FHAD1: variants seen among roughly 807,000 people sequenced by gnomAD.
FHAD1 encodes forkhead-associated domain-containing protein 1.
A neutral mutation model predicts 191.3 loss-of-function variants in FHAD1; 146 were observed. The ratio of observed to expected loss-of-function variants is 0.76; its 90% CI spans 0.67 to 0.88. FHAD1 has a LOEUF of 0.88. Ranked by LOEUF, FHAD1 falls within the 40% of genes least tolerant of loss-of-function variation. The probability of loss-of-function intolerance (pLI) is 0.00; values close to 1 mark genes in which losing one functional copy is unlikely to be tolerated. For synonymous variants in FHAD1, 616 were observed against 672.3 expected, an observed-to-expected ratio of 0.92 and a Z score of 1.29; for missense variants, 1,635 against 1,785.8, an observed-to-expected ratio of 0.92 and a Z score of 1.52.
At chr1:15,267,902 A>G (rs1040870539) in intron 2 of FHAD1, among the ~76,000 whole-genome samples, 2 of 147,640 alleles carry the variant, frequency 1.4e-5, no homozygotes, top group African/African-American at 2.5e-5. Context: ...ATATAAAAAT[A>G]TGGTATATAT....
At chr1:15,346,880 G>A (rs1403599018) in intron 18 of FHAD1, among the ~76,000 whole-genome samples, 2 of 152,234 alleles carry the variant, frequency 1.3e-5, no homozygotes, top group Admixed American at 6.5e-5. Context: ...GTGTATAATG[G>A]AGGGCCTGGC....
At chr1:15,343,179 T>C (rs1337014035) in intron 16 of FHAD1, among the ~76,000 whole-genome samples, 1 of 152,118 alleles carries the variant, frequency 6.6e-6, no homozygotes, top group Non-Finnish European at 1.5e-5. Flanking sequence ...GATTAAAAAT[T>C]ACTAATGCCT....
intron 3 of FHAD1, among the ~76,000 whole-genome samples, chr1:15,275,933 ATTTAT>A (rs1658207139): frequency 6.6e-6 from 1 of 152,144 alleles, no homozygotes; most frequent in Non-Finnish European, 1.5e-5. Context: ...AAACAGAAAA[ATTTAT>A]TTCAGGCTTT....
Position 15,316,432 on chromosome 1 carries a change from G to A in FHAD1, c.1225G>A (p.Glu409Lys), listed in dbSNP as rs1183381832. 4 of 1,551,574 alleles carry A rather than the reference G, an allele frequency of 2.6e-6. No homozygotes were observed. Among genetic ancestry groups the A allele is most frequent in the Admixed American group, 2.0e-5 (1 of 50,984 alleles). The stretch of plus-strand genomic sequence containing the variant: ...GGAAGATGCTCACAGGGAGCTCAGG[G>A]AAGCCCAGGAGAAAGAGTTAAAACT... ...KQEDAHRELR[E>K]AQEKELKLCK... The change falls in exon 9 of 34, where the codon GAA becomes AAA. Residue 409 changes from glutamate to lysine, a missense_variant. Transcript: ENST00000688493. The surrounding 1 kb of genome is among the most constrained non-coding windows in gnomAD (Gnocchi z 4.3).
At chr1:15,280,142 T>G (rs1660064982) in intron 3 of FHAD1, among the ~76,000 whole-genome samples, 1 of 152,176 alleles carries the variant, frequency 6.6e-6, no homozygotes. Context: ...ATGGGACCGT[T>G]AAGTACTCCC....
chr1:15,246,220 AAAGC>A (rs140906869), upstream of FHAD1, among the ~76,000 whole-genome samples: 1,698 of 152,248 alleles, frequency 0.011, 24 homozygotes, highest in African/African-American at 0.038. Context: ...TATCATGAGA[AAAGC>A]AAGCGGGAAG....
chr1:15,400,775 C>G (rs1322589234), downstream of FHAD1, among the ~76,000 whole-genome samples: 1 of 152,254 alleles, frequency 6.6e-6, no homozygotes, highest in Non-Finnish European at 1.5e-5. Context: ...CATCCTTCAG[C>G]CGACTGGACT....
At chr1:15,397,268 T>C in intron 33 of FHAD1, 29 bp from the exon 34 acceptor site, 1 of 1,104,234 alleles carries the variant, frequency 9.1e-7, no homozygotes, top group Admixed American at 2.3e-5. Flanking sequence ...GCAATGGAGT[T>C]TGTGTGTTTT....
intron 1 of FHAD1, among the ~76,000 whole-genome samples, chr1:15,250,573 T>C (rs1448243606): frequency 6.6e-6 from 1 of 152,188 alleles, no homozygotes; most frequent in Non-Finnish European, 1.5e-5. Context: ...AATCTTGATA[T>C]TTTGCCTTTA....
intron 6 of FHAD1, among the ~76,000 whole-genome samples, chr1:15,306,838 A>G (rs1261782373): frequency 6.6e-6 from 1 of 152,226 alleles, no homozygotes; most frequent in Admixed American, 6.5e-5. Context: ...GCCCTCATGG[A>G]GAACCTTTGC....
At chr1:15,357,625 CAAAAAAAAAAAA>C (rs71000395) in intron 20 of FHAD1, among the ~76,000 whole-genome samples, 4 of 76,114 alleles carry the variant, frequency 5.3e-5, no homozygotes, top group Non-Finnish European at 7.9e-5. Flanking sequence ...TCCTCCGTCT[CAAAAAAAAAAAA>C]AAAAAAAAAA....
chr1:15,243,233 T>G (rs1417737509), upstream of FHAD1, among the ~76,000 whole-genome samples: 1 of 152,194 alleles, frequency 6.6e-6, no homozygotes, highest in East Asian at 1.9e-4. Flanking sequence ...ATTCTCTCCA[T>G]GGTTTGAAAT....
chr1:15,316,322 C>A lies in FHAD1; in HGVS notation c.1171-56C>A. ...GGGGCCTTGGAGCCCCTCCTTCCCC[C>A]GACAACCCTACCTGGCCAACGTTGG... is the stretch of plus-strand genomic sequence containing the variant. On this transcript the variant is annotated intron_variant, in intron 8 of 33. Transcript: ENST00000688493. This position sits in a 1 kb window ranked among gnomAD's most constrained non-coding sequence, Gnocchi z 4.3. 1 of 1,436,404 alleles carries A rather than the reference C, an allele frequency of 7.0e-7. No homozygotes were observed. Among genetic ancestry groups the A allele is most frequent in the Non-Finnish European group, 9.6e-7 (1 of 1,045,182 alleles). 89.0% of individuals were successfully genotyped at this position (1,436,404 alleles called of 1,614,324 possible). A position where few individuals can be genotyped will look rare whatever the true frequency, so the allele number is the denominator to read the frequency against.
chr1:15,345,175 G>A lies in FHAD1; in HGVS notation c.2223G>A (p.Leu741=). 6.4e-7 allele frequency: 1 copy of A among 1,551,548 alleles called. No homozygotes were observed. Among genetic ancestry groups the A allele is most frequent in the Non-Finnish European group, 8.7e-7 (1 of 1,146,848 alleles). Reference sequence around the variant, plus strand: ...GAATGCAAGAACTGGAGAGCCTCCTGGCCCAGCAGAAGAAGGTATGTGGCT... The same window carrying A: ...GAATGCAAGAACTGGAGAGCCTCCTAGCCCAGCAGAAGAAGGTATGTGGCT... ...RKRMQELESL[L]AQQKKALAKS... is the part of the protein sequence containing the mutation. Residue 741 remains leucine, a synonymous_variant, in exon 17 of 34, where the codon CTG becomes CTA. Coordinates refer to ENST00000688493, the MANE Select transcript of FHAD1 (RefSeq NM_001391957.1).
Position 15,304,958 on chromosome 1 carries a change from T to TC in FHAD1, c.915+3524dup, listed in dbSNP as rs534084403. ...GCACACCGTATCTGCATTGTCGGGG[T>TC]CCCCCCCGACTCCCACCCTGTCATA... On this transcript the variant is annotated intron_variant, in intron 6 of 33. Coordinates refer to ENST00000688493, the MANE Select transcript of FHAD1 (RefSeq NM_001391957.1). 1.4e-3 allele frequency among the ~76,000 whole-genome samples: 216 copies of TC among 150,730 alleles called. 1 individual carries two copies. The highest frequency in any genetic ancestry group is 4.2e-3 in the African/African-American group (173 of 41,118).
In FHAD1 at chr1:15,349,817, C is replaced by G. The variant is rs146904146; in HGVS notation, c.2454+668C>G. On this transcript the variant is annotated intron_variant, in intron 19 of 33. Transcript: ENST00000688493. Reference sequence around the variant, plus strand: ...CCAGGGAGGAAAGGAGGGGTCAGAGCTGGAGACATCCACATCCACCCACCC... The same window carrying G: ...CCAGGGAGGAAAGGAGGGGTCAGAGGTGGAGACATCCACATCCACCCACCC... 4.7e-3 allele frequency among the ~76,000 whole-genome samples: 723 copies of G among 152,296 alleles called. 1 individual carries two copies. Among genetic ancestry groups the G allele is most frequent in the South Asian group, 8.3e-3 (40 of 4,824 alleles).
chr1:15,386,849 C>CT (rs59453670), intron 31 of FHAD1, among the ~76,000 whole-genome samples: 36,115 of 144,144 alleles, frequency 0.25, 4,490 homozygotes, highest in Middle Eastern at 0.39. Context: ...TCCTTTCTTT[C>CT]TTTTTTTTTT....
chr1:15,240,355 G>A lies in FHAD1; in HGVS notation c.-15+3594G>A, dbSNP rs74734052. ...AGCTTGAAACTGGATCCAGCCAGGT[G>A]TAGTGGCTCATGCCTGTAATCTCAG... On this transcript the variant is annotated intron_variant, in intron 1 of 33. Transcript: ENST00000683790. Among the ~76,000 whole-genome samples the A allele has an allele frequency of 5.4e-4, 83 of 152,336 alleles. 1 individual carries two copies. In the East Asian group the frequency reaches 0.016, roughly 29 times the overall value.
At chr1:15,372,980 A>G (rs1212597510) in intron 26 of FHAD1, among the ~76,000 whole-genome samples, 1 of 152,210 alleles carries the variant, frequency 6.6e-6, no homozygotes, top group Non-Finnish European at 1.5e-5. Flanking sequence ...GCAACTACTC[A>G]ATCCCCAGAG....
Sources: gnomAD v4.1 joint callset for allele counts (sites outside exome capture counted in the v4.1 genomes callset) on GRCh38, gnomAD v4.1.1 for gene constraint, Gnocchi (gnomAD v3.1) non-coding constraint, MANE v1.5 for transcripts, NCBI Gene and HGNC (gene_info 2026-07-23, HGNC 2026-07-21) for gene names.